The following CFAP251 variants were observed in gnomAD, a reference collection of about 807,000 sequenced individuals.
CFAP251 encodes the protein cilia and flagella associated protein 251.
A neutral mutation model predicts 126.7 loss-of-function variants in CFAP251; 93 were observed. The observed-to-expected ratio is 0.73, with a 90% CI of 0.62 to 0.87. The LOEUF is 0.87. CFAP251 is among the 40% of genes least tolerant of loss of function. The pLI is 0.00. For synonymous variants in CFAP251, 503 were observed against 506.9 expected, an observed-to-expected ratio of 0.99 and a Z score of 0.10; for missense variants, 1,287 against 1,389.2, an observed-to-expected ratio of 0.93 and a Z score of 1.17.
chr12:121,962,215 C>G, intron 15 of CFAP251, 53 bp downstream of exon 15: 2 of 1,561,044 alleles, frequency 1.3e-6, no homozygotes, highest in Non-Finnish European at 1.7e-6. Context: ...TTCTCTGCCC[C>G]CAACCTGTTT....
intron 17 of CFAP251, among the ~76,000 whole-genome samples, chr12:121,970,147 A>G (rs961063962): frequency 6.6e-6 from 1 of 152,100 alleles, no homozygotes; most frequent in Admixed American, 6.6e-5. Context: ...CTTGGCCCCA[A>G]CTGCTACCAT....
chr12:122,003,881 C>T lies in CFAP251; in HGVS notation c.*117C>T. The T allele has an allele frequency of 2.9e-6, 2 of 689,844 alleles. No homozygotes were observed. Among genetic ancestry groups the T allele is most frequent in the East Asian group, 3.4e-5 (1 of 29,344 alleles). 42.7% of individuals were successfully genotyped at this position (689,844 alleles called of 1,614,324 possible). A position where few individuals can be genotyped will look rare whatever the true frequency, so the allele number is the denominator to read the frequency against. On this transcript the variant is annotated 3_prime_UTR_variant, in exon 22 of 22. Transcript: ENST00000288912. ...TCCCTCCCCCCTCTCATCTTTAGAACATTTAGACATTAAAGCAAGTTTCTG... is the reference window on the plus strand; with the variant it reads ...TCCCTCCCCCCTCTCATCTTTAGAATATTTAGACATTAAAGCAAGTTTCTG...
intron 19 of CFAP251, among the ~76,000 whole-genome samples, chr12:121,981,118 A>G (rs2135804213): frequency 1.3e-5 from 2 of 152,152 alleles, no homozygotes; most frequent in Middle Eastern, 6.8e-3. Flanking sequence ...TCATTTTCTT[A>G]TTTTTAATTT....
chr12:121,956,902 A>C (rs1881745392), intron 10 of CFAP251, among the ~76,000 whole-genome samples, 172 bp from the exon 11 acceptor site: 1 of 152,190 alleles, frequency 6.6e-6, no homozygotes, highest in South Asian at 2.1e-4. Flanking sequence ...ACTCTCTGAA[A>C]GTTAGTTTCC....
Position 121,954,238 on chromosome 12 carries a change from C to T in CFAP251, c.1439C>T (p.Ser480Leu), listed in dbSNP as rs758106054. 8.1e-6 allele frequency: 13 copies of T among 1,614,116 alleles called. No homozygotes were observed. The East Asian group carries it at 2.7e-4, about 33-fold the overall frequency. Residue 480 changes from serine to leucine, a missense_variant, in exon 10 of 22, where the codon TCA becomes TTA. Ser to Leu is a moderately radical substitution (Grantham distance 145, BLOSUM62 -2). Coordinates refer to ENST00000288912, the MANE Select transcript of CFAP251 (RefSeq NM_144668.6). ...GTCTGGGACATACACCGCCCACCCT[C>T]ATCTGCCTCCACCTTTTTGGGCTTT... is the stretch of plus-strand genomic sequence containing the variant. ...LVVWDIHRPP[S>L]SASTFLGFPY...
intron 19 of CFAP251, among the ~76,000 whole-genome samples, chr12:121,991,313 A>G (rs1282362429): frequency 2.0e-5 from 3 of 152,230 alleles, no homozygotes; most frequent in Non-Finnish European, 2.9e-5. Context: ...TGTGAGCCCA[A>G]AGAATTAGAG....
chr12:121,964,508 G>A (rs1322122934), intron 15 of CFAP251, among the ~76,000 whole-genome samples: 1 of 152,212 alleles, frequency 6.6e-6, no homozygotes. Flanking sequence ...TAGACACAAA[G>A]TTGGGAGCTT....
chr12:121,921,253 G>A, intron 1 of CFAP251, 33 bp from the exon 2 acceptor site: 1 of 1,527,170 alleles, frequency 6.5e-7, no homozygotes, highest in Non-Finnish European at 8.7e-7. Context: ...GAAGCTGAGG[G>A]CCAGCTGGTT....
intron 19 of CFAP251, among the ~76,000 whole-genome samples, chr12:121,994,418 G>A (rs1338126617): frequency 1.0e-5 from 1 of 95,542 alleles, no homozygotes; most frequent in African/African-American, 3.7e-5. Flanking sequence ...TGGGAAGTGA[G>A]GAGCCCCTCT....
At chr12:121,923,534 C>CT (rs1367938311) in intron 2 of CFAP251, 88 bp from the exon 3 acceptor site, 28 of 1,490,832 alleles carry the variant, frequency 1.9e-5, no homozygotes, top group Non-Finnish European at 2.5e-5. Flanking sequence ...GAGGCTAACA[C>CT]TAAGACTGGC....
At chr12:121,928,618 GTA>G (rs1880511334) in intron 3 of CFAP251, among the ~76,000 whole-genome samples, 1 of 71,908 alleles carries the variant, frequency 1.4e-5, no homozygotes, top group Non-Finnish European at 2.5e-5. Flanking sequence ...ATAATTTTAT[GTA>G]TATGTGTATA....
chr12:121,955,177 C>G (rs913570580), intron 10 of CFAP251, among the ~76,000 whole-genome samples: 1 of 152,018 alleles, frequency 6.6e-6, no homozygotes, highest in African/African-American at 2.4e-5. Flanking sequence ...GGCTGTAATC[C>G]CAGCATCTTG....
chr12:121,988,101 T>A (rs1413237497), intron 19 of CFAP251, among the ~76,000 whole-genome samples: 6 of 151,736 alleles, frequency 4.0e-5, no homozygotes, highest in Admixed American at 3.9e-4. Context: ...TTTAAAAATA[T>A]TTTAAATATT....
chr12:121,930,748 C>CT (rs72062810), intron 3 of CFAP251, among the ~76,000 whole-genome samples: 29 of 109,868 alleles, frequency 2.6e-4, no homozygotes, highest in Admixed American at 1.0e-3. Context: ...AATTGCCTTT[C>CT]TTTTTTTTTT....
At chr12:121,952,013 C>T (rs1169070) in intron 9 of CFAP251, among the ~76,000 whole-genome samples, 54,120 of 151,746 alleles carry the variant, frequency 0.36, 11,008 homozygotes, top group Non-Finnish European at 0.47. Flanking sequence ...TGAGCCACTG[C>T]ACCTGGCCCT....
chr12:122,003,858 C>T lies in CFAP251; in HGVS notation c.*94C>T, dbSNP rs1883199429. 1.2e-6 allele frequency: 1 copy of T among 852,432 alleles called. No homozygotes were observed. Among genetic ancestry groups the T allele is most frequent in the Non-Finnish European group, 1.7e-6 (1 of 572,790 alleles). 52.8% of individuals were successfully genotyped at this position (852,432 alleles called of 1,614,324 possible). On this transcript the variant is annotated 3_prime_UTR_variant, in exon 22 of 22. Transcript: ENST00000288912. ...TGAGGCACTGCTTTTTATGCATTTCCCTCCCCCCTCTCATCTTTAGAACAT... is the reference window on the plus strand; with the variant it reads ...TGAGGCACTGCTTTTTATGCATTTCTCTCCCCCCTCTCATCTTTAGAACAT...
At chr12:121,968,977 G>A (rs751619651) in intron 17 of CFAP251, 132 of 985,176 alleles carry the variant, frequency 1.3e-4, no homozygotes, top group Non-Finnish European at 1.6e-4. Context: ...GCATGCTGCC[G>A]CAGGGCAGAG....
In CFAP251 at chr12:121,993,695, C is replaced by T. The variant is rs1490449400; in HGVS notation, c.3007-6021C>T. Among the ~76,000 whole-genome samples, 9 of 147,436 alleles carry T rather than the reference C, an allele frequency of 6.1e-5. No individual in the cohort carries two copies. In the East Asian group the frequency reaches 1.3e-3, roughly 21 times the overall value. Reference sequence around the variant, plus strand: ...GAGGTGAGGAGCGTCTCTGCCCGGCCGCCCCGTCTGAGAAGTGAGGAGACC... The same window carrying T: ...GAGGTGAGGAGCGTCTCTGCCCGGCTGCCCCGTCTGAGAAGTGAGGAGACC... On this transcript the variant is annotated intron_variant, in intron 19 of 21. Coordinates refer to ENST00000288912, the MANE Select transcript of CFAP251 (RefSeq NM_144668.6).
intron 5 of CFAP251, among the ~76,000 whole-genome samples, chr12:121,939,604 TA>T (rs1592971939): frequency 6.6e-6 from 1 of 150,842 alleles, no homozygotes; most frequent in Non-Finnish European, 1.5e-5. Flanking sequence ...TGATTTTTTT[TA>T]AAAAATTTCA....
Sources: gnomAD v4.1 joint callset for allele counts (sites outside exome capture counted in the v4.1 genomes callset) on GRCh38, gnomAD v4.1.1 for gene constraint, MANE v1.5 for transcripts, NCBI Gene and HGNC (gene_info 2026-07-23, HGNC 2026-07-21) for gene names.